The following AGMO variants were observed in gnomAD, a reference collection of about 807,000 sequenced individuals.
AGMO encodes alkylglycerol monooxygenase.
AGMO carries 75 observed loss-of-function variants against 60.2 expected under a neutral mutation model. That is an observed-to-expected ratio of 1.25 (90% CI 1.03 to 1.51). The LOEUF (loss-of-function observed/expected upper bound fraction) is 1.51, where lower values mean the gene tolerates loss of function less well. Ranked by LOEUF, AGMO falls within the 40% of genes most tolerant of loss-of-function variation. The pLI, the probability that AGMO is intolerant of heterozygous loss-of-function variation, is 0.00. For synonymous variants in AGMO, 261 were observed against 177.1 expected (o/e 1.47, Z -3.76); for missense variants, 763 against 525.5 (o/e 1.45, Z -4.42).
the AGMO span, among the ~76,000 whole-genome samples, chr7:15,152,467 G>A: frequency 3.3e-5 from 5 of 152,052 alleles, no homozygotes; most frequent in East Asian, 3.9e-4. Flanking sequence ...TACCCAGTGC[G>A]TAGTCTAGTC....
intron 12 of AGMO, among the ~76,000 whole-genome samples, chr7:15,280,628 T>G (rs1783935422): frequency 6.6e-6 from 1 of 152,192 alleles, no homozygotes. Flanking sequence ...CCATTGCTAC[T>G]ACTGCAGCTG....
chr7:15,176,706 A>G, the AGMO span, among the ~76,000 whole-genome samples: 60 of 152,108 alleles, frequency 3.9e-4, no homozygotes, highest in African/African-American at 1.4e-3. Context: ...AATTTGTGTT[A>G]GCAAATTTCA....
chr7:15,357,496 T>TC (rs1396018359), intron 12 of AGMO, among the ~76,000 whole-genome samples: 2 of 152,174 alleles, frequency 1.3e-5, no homozygotes, highest in Non-Finnish European at 2.9e-5. Flanking sequence ...ATCTTACTGC[T>TC]CTTCAAATCA....
At position 15,387,411 on chromosome 7, in the gene AGMO, G is replaced by T; in HGVS notation, c.952C>A (p.Pro318Thr). The change falls in exon 9 of 13, where the codon CCA (proline) becomes ACA (threonine). Residue 318 changes from proline (P) to threonine (T), a missense_variant. Physicochemically the swap from Pro to Thr is conservative, Grantham distance 38 (BLOSUM62 -1). Transcript: ENST00000342526. ...ATTCTGTGAACTCTATTTACCTCTG[G>T]AATTTCTTCACTGAGACCAAGTCTT... ...KPRLGLSEEIPEVTGKEVPFS... is the reference protein window; with the variant it reads ...KPRLGLSEEITEVTGKEVPFS... 2 of 1,612,870 alleles carry T rather than the reference G, an allele frequency of 1.2e-6. No individual in the cohort carries two copies. The highest frequency in any genetic ancestry group is 8.5e-7 in the Non-Finnish European group (1 of 1,179,712).
rs1386879539 is a variant in AGMO at position 15,487,875 on chromosome 7, C to A, written c.410-56767G>T. ...GGCAAGTAAAATATATTTTCACCTA[C>A]AATGTGATTAGAATAGACACTGCTA... On this transcript the variant is annotated intron_variant, in intron 3 of 12. Transcript: ENST00000342526. 2.6e-5 allele frequency among the ~76,000 whole-genome samples: 4 copies of A among 152,032 alleles called. 1 individual carries two copies.
At chr7:15,552,369 T>G (rs1335740603) in intron 2 of AGMO, among the ~76,000 whole-genome samples, 8 of 151,998 alleles carry the variant, frequency 5.3e-5, no homozygotes, top group Non-Finnish European at 1.0e-4. Flanking sequence ...AAACTACCAT[T>G]AGAGTGAACA....
At chr7:15,433,672 T>C (rs1027987451) in intron 3 of AGMO, among the ~76,000 whole-genome samples, 4 of 152,040 alleles carry the variant, frequency 2.6e-5, no homozygotes, top group African/African-American at 4.8e-5. Flanking sequence ...GAAAAAGATA[T>C]TATTTAGAAT....
rs201021445 is a variant in AGMO, at chr7:15,437,531, CTT to C, written c.410-6425_410-6424del. Among the ~76,000 whole-genome samples, 725 of 120,574 alleles carry C rather than the reference CTT, an allele frequency of 6.0e-3. 1 individual carries two copies. The highest frequency in any genetic ancestry group is 0.021 in the African/African-American group (663 of 31,480). The allele number at this position is 120,574 out of a possible 152,430, so 79.1% of individuals were successfully genotyped here. A position where few individuals can be genotyped will look rare whatever the true frequency, so the allele number is the denominator to read the frequency against. ...TCTGAAGGAGCAACCAAATTTTTTC[CTT>C]TTTTTTTTTTTTTTTTTTTGAGACG... On this transcript the variant is annotated intron_variant, in intron 3 of 12. Transcript: ENST00000342526.
intron 12 of AGMO, among the ~76,000 whole-genome samples, chr7:15,269,225 C>T (rs1046618617): frequency 1.3e-5 from 2 of 152,026 alleles, no homozygotes; most frequent in African/African-American, 4.8e-5. Flanking sequence ...GATTTAGCAG[C>T]TTGTGTGTGC....
chr7:15,180,282 G>T, the AGMO span, among the ~76,000 whole-genome samples: 1 of 151,982 alleles, frequency 6.6e-6, no homozygotes, highest in Non-Finnish European at 1.5e-5. Context: ...CTTTGCTCTA[G>T]CATCTCACTG....
chr7:15,543,024 T>C (rs1784674854), intron 3 of AGMO, among the ~76,000 whole-genome samples: 1 of 152,168 alleles, frequency 6.6e-6, no homozygotes. Context: ...TCATCCTTGC[T>C]TGGGAAGGAT....
At chr7:15,175,563 G>A in the AGMO span, among the ~76,000 whole-genome samples, 1 of 151,658 alleles carries the variant, frequency 6.6e-6, no homozygotes, top group Non-Finnish European at 1.5e-5. Context: ...TCCTATCTGT[G>A]TAAGGTCTAA....
chr7:15,479,131 T>C (rs1782679465), intron 3 of AGMO, among the ~76,000 whole-genome samples: 1 of 152,184 alleles, frequency 6.6e-6, no homozygotes, highest in African/African-American at 2.4e-5. Context: ...TTGTTTTACA[T>C]AGAAGTTTCT....
At chr7:15,362,258 T>G (rs954178901) in intron 12 of AGMO, among the ~76,000 whole-genome samples, 1 of 152,136 alleles carries the variant, frequency 6.6e-6, no homozygotes, top group Non-Finnish European at 1.5e-5. Flanking sequence ...AATATAAGAA[T>G]TGGTAACTGG....
intron 3 of AGMO, among the ~76,000 whole-genome samples, chr7:15,472,319 A>C (rs1002839177): frequency 1.3e-5 from 2 of 151,984 alleles, no homozygotes; most frequent in Non-Finnish European, 2.9e-5. Flanking sequence ...AAATATGTTC[A>C]AAAAGCTGAA....
chr7:15,412,436 A>G (rs1780639811), intron 5 of AGMO, among the ~76,000 whole-genome samples: 1 of 152,050 alleles, frequency 6.6e-6, no homozygotes, highest in African/African-American at 2.4e-5. Context: ...AATCCTAGAA[A>G]GACAGGGACC....
chr7:15,367,282 T>C (rs1203102074), intron 10 of AGMO, among the ~76,000 whole-genome samples: 1 of 151,896 alleles, frequency 6.6e-6, no homozygotes, highest in Non-Finnish European at 1.5e-5. Context: ...TGAATCATTG[T>C]AACAAAACAT....
intron 2 of AGMO, among the ~76,000 whole-genome samples, chr7:15,557,087 C>T (rs1414491672): frequency 6.6e-6 from 1 of 151,872 alleles, no homozygotes; most frequent in Non-Finnish European, 1.5e-5. Flanking sequence ...GGTAGGCACG[C>T]TATTAATCTT....
chr7:15,471,552 T>G (rs570146448), intron 3 of AGMO, among the ~76,000 whole-genome samples: 1 of 151,866 alleles, frequency 6.6e-6, no homozygotes, highest in East Asian at 1.9e-4. Context: ...GAATATTGTT[T>G]AGTAGCTTTA....
Sources: allele counts gnomAD v4.1 joint callset (sites outside exome capture counted in the v4.1 genomes callset), GRCh38; gene constraint gnomAD v4.1.1; transcripts MANE v1.5; gene names NCBI Gene and HGNC (gene_info 2026-07-23, HGNC 2026-07-21).